PRDM16: variants seen among roughly 807,000 people sequenced by gnomAD.
PRDM16 encodes the protein histone-lysine N-methyltransferase PRDM16.
PRDM16 carries 23 observed loss-of-function variants against 110.6 expected under a neutral mutation model. That is an observed-to-expected ratio of 0.21 (90% confidence interval 0.15 to 0.29). PRDM16 has a LOEUF of 0.29. Among genes scored for constraint, PRDM16 ranks in the 10% least tolerant of loss-of-function variants. The pLI is 1.00. For synonymous variants in PRDM16, 799 were observed against 781.8 expected (o/e 1.02, Z -0.37); for missense variants, 1,615 against 1,794.3 (o/e 0.90, Z 1.81).
At chr1:3,237,164 T>A (rs1181171076) in intron 2 of PRDM16, among the ~76,000 whole-genome samples, 1 of 152,034 alleles carries the variant, frequency 6.6e-6, no homozygotes, top group Non-Finnish European at 1.5e-5. Context: ...CATGCCCCCA[T>A]CGTCTGTTTC....
At chr1:3,372,215 CT>C (rs1642919343) in intron 3 of PRDM16, among the ~76,000 whole-genome samples, 1 of 152,250 alleles carries the variant, frequency 6.6e-6, no homozygotes. Context: ...GTTCCTCAGC[CT>C]GTCATTCAGC....
intron 1 of PRDM16, among the ~76,000 whole-genome samples, chr1:3,135,018 G>T (rs1268379509): frequency 1.3e-5 from 2 of 152,216 alleles, no homozygotes; most frequent in Admixed American, 1.3e-4. Flanking sequence ...CCTGGTCCGC[G>T]TGCTGCTGCC....
chr1:3,214,377 C>G (rs1638971740), intron 2 of PRDM16, among the ~76,000 whole-genome samples: 1 of 152,188 alleles, frequency 6.6e-6, no homozygotes, highest in Non-Finnish European at 1.5e-5. Context: ...CACCCAATAG[C>G]ACCGTCAGAC....
intron 1 of PRDM16, among the ~76,000 whole-genome samples, chr1:3,169,678 C>A (rs1441358321): frequency 6.6e-6 from 1 of 152,254 alleles, no homozygotes; most frequent in Non-Finnish European, 1.5e-5. Context: ...CCCCCACGGG[C>A]CCCCCAACAC....
At chr1:3,381,073 T>A (rs1427029395) in intron 3 of PRDM16, among the ~76,000 whole-genome samples, 1 of 152,224 alleles carries the variant, frequency 6.6e-6, no homozygotes, top group Non-Finnish European at 1.5e-5. Flanking sequence ...GAATTGGCCA[T>A]CGCTTCAATG....
At chr1:3,176,181 A>G (rs929016817) in intron 1 of PRDM16, among the ~76,000 whole-genome samples, 1 of 151,092 alleles carries the variant, frequency 6.6e-6, no homozygotes, top group Non-Finnish European at 1.5e-5. Flanking sequence ...CCATCCATCT[A>G]TCCATCCATC....
chr1:3,327,176 G>A (rs1345537365), intron 3 of PRDM16, among the ~76,000 whole-genome samples: 2 of 152,238 alleles, frequency 1.3e-5, no homozygotes, highest in Non-Finnish European at 1.5e-5. Flanking sequence ...TCACTTGGCA[G>A]GGCACCCCCT....
chr1:3,313,734 C>T (rs765457479), intron 3 of PRDM16, among the ~76,000 whole-genome samples: 1 of 152,210 alleles, frequency 6.6e-6, no homozygotes, highest in Non-Finnish European at 1.5e-5. Context: ...CGCCTCCTGC[C>T]CCGGCGGGCC....
chr1:3,430,867 T>C lies in PRDM16; in HGVS notation c.3285-5T>C. ...CTCAGTCAATCTCCTCCTGCATCAT[T>C]TCAGGGCGGACATGCAGATCGTGGA... On this transcript the variant is annotated splice_polypyrimidine_tract_variant and splice_region_variant and intron_variant, in intron 14 of 16. Coordinates refer to ENST00000270722, the MANE Select transcript of PRDM16 (RefSeq NM_022114.4). The C allele has an allele frequency of 6.2e-7, 1 of 1,613,734 alleles. No homozygotes were observed. Among genetic ancestry groups the C allele is most frequent in the Non-Finnish European group, 8.5e-7 (1 of 1,179,792 alleles).
intron 4 of PRDM16, among the ~76,000 whole-genome samples, chr1:3,387,512 A>G (rs960994149): frequency 1.3e-5 from 2 of 152,180 alleles, no homozygotes; most frequent in African/African-American, 4.8e-5. Context: ...TCCGACAGGG[A>G]GAGGAGCCCT....
chr1:3,239,558 AAGG>A (rs138965716), intron 2 of PRDM16, among the ~76,000 whole-genome samples: 4,180 of 152,200 alleles, frequency 0.027, 298 homozygotes, highest in East Asian at 0.23. Flanking sequence ...GGGCTTCTTC[AAGG>A]AGAAGAGGCC....
chr1:3,321,589 G>A (rs188968241), intron 3 of PRDM16, among the ~76,000 whole-genome samples: 90 of 150,234 alleles, frequency 6.0e-4, no homozygotes, highest in African/African-American at 2.2e-3. Flanking sequence ...TGGAGGTCAC[G>A]TTTCTGGGGG....
At chr1:3,084,141 C>T (rs1557433909) in intron 1 of PRDM16, among the ~76,000 whole-genome samples, 2 of 152,206 alleles carry the variant, frequency 1.3e-5, no homozygotes, top group Admixed American at 1.3e-4. Flanking sequence ...GCCTTGGTGT[C>T]TGCTGGGCCA....
At position 3,402,771 on chromosome 1, in the gene PRDM16, C is replaced by T; in HGVS notation, c.677-20C>T. The T allele has an allele frequency of 4.4e-6, 7 of 1,602,144 alleles. No homozygotes were observed. Among genetic ancestry groups the T allele is most frequent in the Non-Finnish European group, 6.0e-6 (7 of 1,171,178 alleles). On this transcript the variant is annotated intron_variant, in intron 5 of 16. Coordinates refer to ENST00000270722, the MANE Select transcript of PRDM16 (RefSeq NM_022114.4). Reference sequence around the variant, plus strand: ...TGGGTCTCCAGCTCACTCACCACCACCTCGTTCTCTCTCTTGCAGAGGAGC... The same window carrying T: ...TGGGTCTCCAGCTCACTCACCACCATCTCGTTCTCTCTCTTGCAGAGGAGC...
chr1:3,254,821 G>A (rs1373999252), intron 3 of PRDM16, among the ~76,000 whole-genome samples: 5 of 151,958 alleles, frequency 3.3e-5, no homozygotes, highest in South Asian at 2.1e-4. Flanking sequence ...AAGTTCATAT[G>A]GAACCAAAAA....
rs1211553581 is a variant in PRDM16, at chr1:3,358,350, G to A, written c.439-26802G>A. ...TGGATGCGAGACCTTCCCCCTGGCT[G>A]AGGGTGCTGGAGAAGACCTGGGCAG... On this transcript the variant is annotated intron_variant, in intron 3 of 16. Transcript: ENST00000270722. The surrounding 1 kb of genome is among the most constrained non-coding windows in gnomAD (Gnocchi z 4.0). Among the ~76,000 whole-genome samples, 1 of 152,230 alleles carries A rather than the reference G, an allele frequency of 6.6e-6. No homozygotes were observed. Among genetic ancestry groups the A allele is most frequent in the Non-Finnish European group, 1.5e-5 (1 of 68,046 alleles).
chr1:3,209,577 C>T lies in PRDM16; in HGVS notation c.387+23103C>T, dbSNP rs569559186. Among the ~76,000 whole-genome samples, 2 of 152,302 alleles carry T rather than the reference C, an allele frequency of 1.3e-5. No individual in the cohort carries two copies. Among genetic ancestry groups the T allele is most frequent in the African/African-American group, 2.4e-5 (1 of 41,554 alleles). Reference sequence around the variant, plus strand: ...CCAAAGGAAGCTCCCTGTGGGTGCGCGTGGAAGCTGAGCGCCTCAGTGGAA... The same window carrying T: ...CCAAAGGAAGCTCCCTGTGGGTGCGTGTGGAAGCTGAGCGCCTCAGTGGAA... On this transcript the variant is annotated intron_variant, in intron 2 of 16. Transcript: ENST00000270722. This position sits in a 1 kb window ranked among gnomAD's most constrained non-coding sequence, Gnocchi z 4.6.
intron 2 of PRDM16, among the ~76,000 whole-genome samples, chr1:3,223,303 C>T (rs1392924216): frequency 1.3e-5 from 2 of 151,828 alleles, no homozygotes; most frequent in African/African-American, 4.8e-5. Flanking sequence ...GAGTTGCTAT[C>T]GATTTTCGTG....
intron 3 of PRDM16, among the ~76,000 whole-genome samples, chr1:3,285,831 A>G (rs1385173597): frequency 6.6e-6 from 1 of 152,160 alleles, no homozygotes; most frequent in Non-Finnish European, 1.5e-5. Flanking sequence ...CTCTCTGGCA[A>G]GAGCTTCTCA....
Sources: allele counts gnomAD v4.1 joint callset (sites outside exome capture counted in the v4.1 genomes callset), GRCh38; gene constraint gnomAD v4.1.1; non-coding constraint Gnocchi (gnomAD v3.1); transcripts MANE v1.5; gene names NCBI Gene and HGNC (gene_info 2026-07-23, HGNC 2026-07-21).